Variants in ZC3HAV1 observed in about 807,000 individuals in gnomAD.
ZC3HAV1 encodes zinc finger CCCH-type antiviral protein 1.
ZC3HAV1 carries 41 observed loss-of-function variants against 86.6 expected under a neutral mutation model. The observed-to-expected ratio is 0.47, with a 90% CI of 0.37 to 0.61. The LOEUF is 0.61. ZC3HAV1 is among the 20% of genes least tolerant of loss of function. The probability of loss-of-function intolerance (pLI) is 0.00; values close to 1 mark genes in which losing one functional copy is unlikely to be tolerated. For synonymous variants in ZC3HAV1, 421 were observed against 432.1 expected (o/e 0.97, Z 0.32); for missense variants, 964 against 1,141.1 (o/e 0.84, Z 2.24).
chr7:139,092,586 G>A (rs6958991), intron 1 of ZC3HAV1, among the ~76,000 whole-genome samples: 45,540 of 152,088 alleles, frequency 0.3, 7,938 homozygotes, highest in African/African-American at 0.48. Context: ...GGCACTTCCA[G>A]GGTCCCTGAA....
At chr7:139,081,366 A>G (rs1817124318) in intron 3 of ZC3HAV1, among the ~76,000 whole-genome samples, 1 of 152,126 alleles carries the variant, frequency 6.6e-6, no homozygotes, top group Admixed American at 6.5e-5. Flanking sequence ...ATGTAGTAAA[A>G]GCAAACACCC....
Position 139,059,389 on chromosome 7 carries a change from G to A in ZC3HAV1, c.2096+1647C>T, listed in dbSNP as rs571692781. Among the ~76,000 whole-genome samples, 145 of 152,314 alleles carry A rather than the reference G, an allele frequency of 9.5e-4. 1 individual carries two copies. Among genetic ancestry groups the A allele is most frequent in the African/African-American group, 3.4e-3 (140 of 41,570 alleles). On this transcript the variant is annotated intron_variant, in intron 9 of 12. Transcript: ENST00000242351. ...CCCAGCACTTTGGGAGGCTGAGGCAGGTGGATCACCTGAGGTCAAGAGTTC... is the reference window on the plus strand; with the variant it reads ...CCCAGCACTTTGGGAGGCTGAGGCAAGTGGATCACCTGAGGTCAAGAGTTC...
Position 139,079,651 on chromosome 7 carries a change from A to T in ZC3HAV1, c.1290T>A (p.Asn430Lys). 6.2e-7 allele frequency: 1 copy of T among 1,614,148 alleles called. No individual in the cohort carries two copies. The highest frequency in any genetic ancestry group is 1.1e-5 in the South Asian group (1 of 91,076). The change falls in exon 4 of 13, where the codon AAT becomes AAA. Residue 430 changes from asparagine to lysine, a missense_variant. Physicochemically the swap from Asn to Lys is moderately conservative, Grantham distance 94. Transcript: ENST00000242351. The stretch of plus-strand genomic sequence containing the variant: ...TATCTGTGGCCACTCCATCAGCATT[A>T]TTATTAAAAAGAGGGCCAGGCTGGA... ...QDIQPGPLFNNNADGVATDIT... is the reference protein window; with the variant it reads ...QDIQPGPLFNKNADGVATDIT...
chr7:139,066,403 T>G lies in ZC3HAV1; in HGVS notation c.1873-1404A>C, dbSNP rs149977298. Reference sequence around the variant, plus strand: ...CGAGCTGGGTCTCTTTATCCTGGAGTGCAGCATGGTGGGAGCAGAAAGCAG... The same window carrying G: ...CGAGCTGGGTCTCTTTATCCTGGAGGGCAGCATGGTGGGAGCAGAAAGCAG... On this transcript the variant is annotated intron_variant, in intron 7 of 12. Transcript: ENST00000242351. 1.6e-3 allele frequency among the ~76,000 whole-genome samples: 242 copies of G among 152,052 alleles called. 2 individuals are homozygous for G. The highest frequency in any genetic ancestry group is 5.3e-3 in the African/African-American group (221 of 41,458).
intron 1 of ZC3HAV1, among the ~76,000 whole-genome samples, chr7:139,093,146 T>C (rs1317352387): frequency 6.6e-6 from 1 of 152,144 alleles, no homozygotes; most frequent in African/African-American, 2.4e-5. Flanking sequence ...AACTGATGAC[T>C]GATAAAATGA....
At chr7:139,101,481 T>G (rs1817765003) in intron 1 of ZC3HAV1, among the ~76,000 whole-genome samples, 1 of 107,378 alleles carries the variant, frequency 9.3e-6, no homozygotes, top group Non-Finnish European at 1.8e-5. Flanking sequence ...GAGGAGCGCC[T>G]CAGCCCGGCC....
chr7:139,090,887 G>C (rs1459515360), intron 1 of ZC3HAV1, among the ~76,000 whole-genome samples: 1 of 152,162 alleles, frequency 6.6e-6, no homozygotes, highest in Non-Finnish European at 1.5e-5. Context: ...TCAACCAGGA[G>C]CCGAGACCTT....
intron 7 of ZC3HAV1, among the ~76,000 whole-genome samples, chr7:139,066,870 G>A (rs10230683): frequency 0.3 from 45,230 of 152,026 alleles, 8,401 homozygotes; most frequent in African/African-American, 0.49. Flanking sequence ...TTAAAAGGCC[G>A]GAGACTTTCA....
rs1184166441 is a variant in ZC3HAV1, at chr7:139,044,737, C to T, written c.*2857G>A. On this transcript the variant is annotated 3_prime_UTR_variant, in exon 13 of 13. Coordinates refer to ENST00000242351, the MANE Select transcript of ZC3HAV1 (RefSeq NM_020119.4). ...CTCACAATAAGAAATTACTCTGCAC[C>T]CTATACGAATTTTGAATGTCTCACT... is the stretch of plus-strand genomic sequence containing the variant. 1.3e-5 allele frequency: 2 copies of T among 152,498 alleles called. No homozygotes were observed. The highest frequency in any genetic ancestry group is 2.9e-5 in the Non-Finnish European group (2 of 68,030). 9.4% of individuals were successfully genotyped at this position (152,498 alleles called of 1,614,324 possible). A position where few individuals can be genotyped will look rare whatever the true frequency, so the allele number is the denominator to read the frequency against.
intron 9 of ZC3HAV1, among the ~76,000 whole-genome samples, chr7:139,058,182 T>C (rs2130672475): frequency 7.3e-6 from 1 of 137,272 alleles, no homozygotes; most frequent in African/African-American, 2.6e-5. Context: ...AACATGTTTT[T>C]CTAATTTATT....
chr7:139,102,956 GTATATGTATATGTATA>G (rs1185129289), intron 1 of ZC3HAV1, among the ~76,000 whole-genome samples: 1 of 137,368 alleles, frequency 7.3e-6, no homozygotes, highest in African/African-American at 2.7e-5. Flanking sequence ...ATATGTATAT[GTATATGTATATGTATA>G]TGTGTGTGTG....
At chr7:139,095,630 G>A (rs1458172119) in intron 1 of ZC3HAV1, among the ~76,000 whole-genome samples, 3 of 152,228 alleles carry the variant, frequency 2.0e-5, no homozygotes, top group African/African-American at 7.2e-5. Context: ...GAGGATAGGG[G>A]AGGCCGGAGG....
chr7:139,083,223 A>G (rs952648632), intron 3 of ZC3HAV1, among the ~76,000 whole-genome samples: 2 of 141,166 alleles, frequency 1.4e-5, no homozygotes, highest in Non-Finnish European at 3.1e-5. Flanking sequence ...TTTTAGAAAA[A>G]TGATATACAC....
In ZC3HAV1 at chr7:139,047,760, C is replaced by A; in HGVS notation, c.2543G>T (p.Gly848Val). 3.1e-6 allele frequency: 5 copies of A among 1,614,072 alleles called. No individual in the cohort carries two copies. Among genetic ancestry groups the A allele is most frequent in the Non-Finnish European group, 4.2e-6 (5 of 1,180,010 alleles). ...CGTTATATTTCCTTCAGTAAACTTT[C>A]CAACCAGAACTTGGGCTACAAACAT... ...VVMFVAQVLVGKFTEGNITYT... is the reference protein window; with the variant it reads ...VVMFVAQVLVVKFTEGNITYT... Residue 848 changes from glycine to valine, a missense_variant, in exon 13 of 13, where the codon GGA becomes GTA. Transcript: ENST00000242351.
chr7:139,103,244 T>G (rs1417395202), intron 1 of ZC3HAV1, among the ~76,000 whole-genome samples: 1 of 149,760 alleles, frequency 6.7e-6, no homozygotes. Context: ...TTTATTTATT[T>G]TACTTGTTTT....
chr7:139,067,427 A>G (rs1321769790), intron 7 of ZC3HAV1, among the ~76,000 whole-genome samples: 1 of 152,172 alleles, frequency 6.6e-6, no homozygotes, highest in African/African-American at 2.4e-5. Context: ...CTGGGATTGC[A>G]GGCATGAGCT....
In ZC3HAV1 at chr7:139,047,307, C is replaced by T. The variant is rs1233699079; in HGVS notation, c.*287G>A. 15 of 305,356 alleles carry T rather than the reference C, an allele frequency of 4.9e-5. No individual in the cohort carries two copies. The highest frequency in any genetic ancestry group is 6.5e-5 in the Non-Finnish European group (11 of 169,528). 18.9% of individuals were successfully genotyped at this position (305,356 alleles called of 1,614,324 possible). On this transcript the variant is annotated 3_prime_UTR_variant, in exon 13 of 13. Transcript: ENST00000242351. ...TCGCGCCACTGCACTCCAGCCTGGA[C>T]GATGGAGTGAGATTCAGTCTCAAAA...
At position 139,089,840 on chromosome 7, in the gene ZC3HAV1, T is replaced by C. The variant is rs1431170064; in HGVS notation, c.309-81A>G. ...GAAATCAGCCATAAAACTTTCAGTCTGCAAAGACCCGTGCCCATATTCTCT... is the reference window on the plus strand; with the variant it reads ...GAAATCAGCCATAAAACTTTCAGTCCGCAAAGACCCGTGCCCATATTCTCT... On this transcript the variant is annotated intron_variant, in intron 1 of 12. Transcript: ENST00000242351. 2.7e-6 allele frequency: 4 copies of C among 1,462,530 alleles called. No individual in the cohort carries two copies. The Middle Eastern group carries it at 7.4e-4, about 270-fold the overall frequency. 90.6% of individuals were successfully genotyped at this position (1,462,530 alleles called of 1,614,324 possible).
At position 139,096,740 on chromosome 7, in the gene ZC3HAV1, C is replaced by G. The variant is rs538381440; in HGVS notation, c.309-6981G>C. On this transcript the variant is annotated intron_variant, in intron 1 of 12. Transcript: ENST00000242351. ...TCAAACTCGAAAGCCACATAAAACTCTGCATTTGCAGTCTTCCAGGAAGTG... is the reference window on the plus strand; with the variant it reads ...TCAAACTCGAAAGCCACATAAAACTGTGCATTTGCAGTCTTCCAGGAAGTG... 3.3e-4 allele frequency among the ~76,000 whole-genome samples: 51 copies of G among 152,338 alleles called. 1 individual carries two copies. Among genetic ancestry groups the G allele is most frequent in the African/African-American group, 1.1e-3 (47 of 41,562 alleles).
Sources: gnomAD v4.1 joint callset for allele counts (sites outside exome capture counted in the v4.1 genomes callset) on GRCh38, gnomAD v4.1.1 for gene constraint, MANE v1.5 for transcripts, NCBI Gene and HGNC (gene_info 2026-07-23, HGNC 2026-07-21) for gene names.